The following TSPAN9 variants were observed in gnomAD, a reference collection of about 807,000 sequenced individuals.
The protein encoded by TSPAN9 is tetraspanin 9.
In TSPAN9, 16 loss-of-function variants were observed where a neutral mutation model predicts 31.0. That is an observed-to-expected ratio of 0.52 (90% CI 0.35 to 0.78). The LOEUF (loss-of-function observed/expected upper bound fraction) is 0.78, where lower values mean the gene tolerates loss of function less well. Among genes scored for constraint, TSPAN9 ranks in the 30% least tolerant of loss-of-function variants. The pLI, the probability that TSPAN9 is intolerant of heterozygous loss-of-function variation, is 0.01. For synonymous variants in TSPAN9, 145 were observed against 121.6 expected (o/e 1.19, Z -1.27); for missense variants, 272 against 312.5 (o/e 0.87, Z 0.98).
chr12:3,153,846 ATGTGTG>A (rs370813097), intron 2 of TSPAN9, among the ~76,000 whole-genome samples: 4 of 103,938 alleles, frequency 3.8e-5, no homozygotes, highest in African/African-American at 7.7e-5. Flanking sequence ...TTATATATAT[ATGTGTG>A]TGTGTGTGTG....
chr12:3,105,461 A>G (rs1377234422), intron 2 of TSPAN9, among the ~76,000 whole-genome samples: 1 of 150,584 alleles, frequency 6.6e-6, no homozygotes, highest in Non-Finnish European at 1.5e-5. Context: ...ACAGGCTGGA[A>G]AAATTGGGGT....
At chr12:3,126,973 G>A (rs527946259) in intron 2 of TSPAN9, among the ~76,000 whole-genome samples, 46 of 152,216 alleles carry the variant, frequency 3.0e-4, no homozygotes, top group African/African-American at 9.9e-4. Context: ...ATGGAGTCTC[G>A]CTGTGTTGCC....
rs11835694 is a variant in TSPAN9 at position 3,168,544 on chromosome 12, C to T, written c.-17-32633C>T. Among the ~76,000 whole-genome samples the T allele has an allele frequency of 0.029, 4,375 of 152,120 alleles. 209 individuals carry two copies. The highest frequency in any genetic ancestry group is 0.1 in the African/African-American group (4,132 of 41,470). On this transcript the variant is annotated intron_variant, in intron 2 of 8. Coordinates refer to ENST00000011898, the MANE Select transcript of TSPAN9 (RefSeq NM_006675.5). This position sits in a 1 kb window ranked among gnomAD's most constrained non-coding sequence, Gnocchi z 4.0. ...GCTGGGAGGTGCCAGAGCTGGGGGG[C>T]GGTGGGGAGCTGACTTACTTTCTCT...
chr12:3,266,059 C>G (rs2153979497), intron 3 of TSPAN9, among the ~76,000 whole-genome samples: 1 of 143,192 alleles, frequency 7.0e-6, no homozygotes, highest in Middle Eastern at 3.7e-3. Context: ...ACCAACACTA[C>G]TTCTTCATCC....
chr12:3,259,683 C>G (rs547000713), intron 3 of TSPAN9, among the ~76,000 whole-genome samples: 7 of 152,190 alleles, frequency 4.6e-5, no homozygotes, highest in Non-Finnish European at 1.0e-4. Flanking sequence ...AAGGGAACAC[C>G]AAAGGCAAAA....
At chr12:3,276,032 A>G (rs144564348) in intron 3 of TSPAN9, among the ~76,000 whole-genome samples, 1,916 of 152,294 alleles carry the variant, frequency 0.013, 33 homozygotes, top group South Asian at 0.024. Flanking sequence ...GCCTCCTGGT[A>G]TGAGTCGTCC....
chr12:3,214,721 C>T (rs1034613440), intron 3 of TSPAN9, among the ~76,000 whole-genome samples: 10 of 150,918 alleles, frequency 6.6e-5, no homozygotes, highest in African/African-American at 2.2e-4. Context: ...AATGAGGGGG[C>T]GGGCTGCCGT....
intron 3 of TSPAN9, among the ~76,000 whole-genome samples, chr12:3,234,306 C>T (rs945921865): frequency 1.3e-5 from 2 of 152,180 alleles, no homozygotes; most frequent in South Asian, 2.1e-4. Context: ...TTTTTGTCCT[C>T]ACATGCAGGC....
intron 3 of TSPAN9, among the ~76,000 whole-genome samples, chr12:3,260,865 C>T (rs774952816): frequency 6.3e-4 from 96 of 152,092 alleles, no homozygotes; most frequent in Non-Finnish European, 2.6e-4. Flanking sequence ...GGGTGTGTTC[C>T]CAGAGGGATG....
At chr12:3,092,941 G>A (rs1197435386) in intron 2 of TSPAN9, among the ~76,000 whole-genome samples, 1 of 152,236 alleles carries the variant, frequency 6.6e-6, no homozygotes, top group Non-Finnish European at 1.5e-5. Context: ...GGCTGGGGGA[G>A]CTGGCGAGTG....
Position 3,131,682 on chromosome 12 carries a change from C to A in TSPAN9, c.-18+47963C>A, listed in dbSNP as rs1456884259. 2.0e-5 allele frequency among the ~76,000 whole-genome samples: 3 copies of A among 152,166 alleles called. No homozygotes were observed. The East Asian group carries it at 5.8e-4, about 29-fold the overall frequency. On this transcript the variant is annotated intron_variant, in intron 2 of 8. Transcript: ENST00000011898. ...TTGCAGGACAGGTCCTGTCCTTGGA[C>A]CCTCGTCGGATAGGCCCTCAGGTGT...
intron 3 of TSPAN9, among the ~76,000 whole-genome samples, chr12:3,210,697 C>G (rs2098378192): frequency 6.8e-6 from 1 of 147,022 alleles, no homozygotes; most frequent in Non-Finnish European, 1.5e-5. Flanking sequence ...TTAGACTGTA[C>G]TTTTTATGTA....
intron 2 of TSPAN9, among the ~76,000 whole-genome samples, chr12:3,112,862 T>C (rs1295807414): frequency 6.6e-6 from 1 of 151,920 alleles, no homozygotes; most frequent in Non-Finnish European, 1.5e-5. Context: ...TTTAATTTTT[T>C]TGTAGAGATA....
intron 3 of TSPAN9, among the ~76,000 whole-genome samples, chr12:3,215,610 C>T (rs1213934177): frequency 6.6e-6 from 1 of 152,238 alleles, no homozygotes; most frequent in Non-Finnish European, 1.5e-5. Context: ...AATTTCTCCA[C>T]CAGGCAGCCC....
intron 3 of TSPAN9, among the ~76,000 whole-genome samples, chr12:3,233,444 G>C (rs775931636): frequency 6.6e-6 from 1 of 152,116 alleles, no homozygotes; most frequent in African/African-American, 2.4e-5. Context: ...TCAGCCTTTT[G>C]CCTTTTTATG....
At chr12:3,274,231 G>T (rs1158515745) in intron 3 of TSPAN9, among the ~76,000 whole-genome samples, 1 of 152,218 alleles carries the variant, frequency 6.6e-6, no homozygotes, top group African/African-American at 2.4e-5. Flanking sequence ...CTGGGGAGCA[G>T]AATTGCTCCT....
rs531630686 is a variant in TSPAN9 at position 3,283,561 on chromosome 12, G to C, written c.*445G>C. 101 of 160,022 alleles carry C rather than the reference G, an allele frequency of 6.3e-4. No individual in the cohort carries two copies. The highest frequency in any genetic ancestry group is 2.3e-3 in the African/African-American group (98 of 41,886). 9.9% of individuals were successfully genotyped at this position (160,022 alleles called of 1,614,324 possible). A position where few individuals can be genotyped will look rare whatever the true frequency, so the allele number is the denominator to read the frequency against. ...GCACCTGGCGGGGCGGGGGTCTGCC[G>C]GCCTCTGGGCAAGGCCCCTGGAGCA... On this transcript the variant is annotated 3_prime_UTR_variant, in exon 9 of 9. Transcript: ENST00000011898.
intron 2 of TSPAN9, among the ~76,000 whole-genome samples, chr12:3,089,453 C>T (rs376938595): frequency 1.3e-4 from 20 of 151,354 alleles, no homozygotes; most frequent in South Asian, 4.2e-4. Context: ...TGTGCCACCA[C>T]GCCTGGCTAA....
At chr12:3,232,832 C>T (rs1033738209) in intron 3 of TSPAN9, among the ~76,000 whole-genome samples, 1 of 152,240 alleles carries the variant, frequency 6.6e-6, no homozygotes, top group Non-Finnish European at 1.5e-5. Flanking sequence ...CGTTCCCTGC[C>T]TCCAGAGGCT....
Sources: allele counts gnomAD v4.1 joint callset (sites outside exome capture counted in the v4.1 genomes callset), GRCh38; gene constraint gnomAD v4.1.1; non-coding constraint Gnocchi (gnomAD v3.1); transcripts MANE v1.5; gene names NCBI Gene and HGNC (gene_info 2026-07-23, HGNC 2026-07-21).